ADAM18: variants seen among roughly 807,000 people sequenced by gnomAD.
ADAM18 encodes the protein ADAM metallopeptidase domain 18, also known as disintegrin and metalloproteinase domain-containing protein 18.
In ADAM18, 117 loss-of-function variants were observed where a neutral mutation model predicts 94.4. The ratio of observed to expected loss-of-function variants is 1.24; its 90% CI spans 1.07 to 1.45. The LOEUF is 1.45. Ranked by LOEUF, ADAM18 falls within the 40% of genes most tolerant of loss-of-function variation. The probability of loss-of-function intolerance (pLI) is 0.00; values close to 1 mark genes in which losing one functional copy is unlikely to be tolerated. For synonymous variants in ADAM18, 327 were observed against 291.6 expected, an observed-to-expected ratio of 1.12 and a Z score of -1.24; for missense variants, 936 against 880.0, an observed-to-expected ratio of 1.06 and a Z score of -0.81.
chr8:39,644,459 A>T (rs898152161), intron 10 of ADAM18, among the ~76,000 whole-genome samples: 2 of 151,036 alleles, frequency 1.3e-5, no homozygotes, highest in African/African-American at 4.9e-5. Context: ...GCTATTTTTA[A>T]TTTTTTTTTG....
At chr8:39,616,401 C>A (rs1317484840) in intron 6 of ADAM18, among the ~76,000 whole-genome samples, 18 of 152,178 alleles carry the variant, frequency 1.2e-4, no homozygotes, top group African/African-American at 4.3e-4. Flanking sequence ...CAGAACAAGA[C>A]TCCTTCTCAA....
intron 7 of ADAM18, among the ~76,000 whole-genome samples, chr8:39,632,369 T>C (rs971202450): frequency 1.3e-5 from 2 of 152,072 alleles, no homozygotes; most frequent in African/African-American, 4.8e-5. Context: ...GTGATCTTTA[T>C]AATATTGGGA....
chr8:39,624,456 G>A (rs1819707881), intron 6 of ADAM18, among the ~76,000 whole-genome samples: 1 of 152,136 alleles, frequency 6.6e-6, no homozygotes, highest in Non-Finnish European at 1.5e-5. Context: ...AGATCAGTTG[G>A]TGGTATTTGG....
At chr8:39,637,032 T>A in intron 7 of ADAM18, among the ~76,000 whole-genome samples, 1 of 89,688 alleles carries the variant, frequency 1.1e-5, no homozygotes, top group South Asian at 4.3e-4. Flanking sequence ...TATATATATA[T>A]ATATATATAT....
chr8:39,718,791 AT>A (rs1822657478), intron 18 of ADAM18, among the ~76,000 whole-genome samples: 1 of 88,882 alleles, frequency 1.1e-5, no homozygotes, highest in Non-Finnish European at 3.1e-5. Flanking sequence ...TAGCCAGAAA[AT>A]GTGAGATTGT....
At chr8:39,588,418 T>C (rs960482697) in intron 2 of ADAM18, among the ~76,000 whole-genome samples, 1 of 152,172 alleles carries the variant, frequency 6.6e-6, no homozygotes, top group African/African-American at 2.4e-5. Flanking sequence ...TCAGGTTATT[T>C]GTTTTGTTTT....
intron 19 of ADAM18, 33 bp downstream of exon 19, chr8:39,723,940 T>A: frequency 7.8e-7 from 1 of 1,279,972 alleles, no homozygotes; most frequent in Non-Finnish European, 1.0e-6. Context: ...GTATTAGGTT[T>A]AATTATCCTA....
intron 16 of ADAM18, among the ~76,000 whole-genome samples, chr8:39,684,684 G>A (rs1393773670): frequency 1.3e-5 from 2 of 152,006 alleles, no homozygotes; most frequent in Non-Finnish European, 2.9e-5. Context: ...AGCTCCACTG[G>A]GCATTGCCCT....
At chr8:39,711,476 C>T (rs1222913251) in intron 18 of ADAM18, among the ~76,000 whole-genome samples, 4 of 152,008 alleles carry the variant, frequency 2.6e-5, no homozygotes, top group Non-Finnish European at 5.9e-5. Flanking sequence ...TGTACTCAAA[C>T]ACCTAAAGGA....
chr8:39,723,820 T>C lies in ADAM18; in HGVS notation c.2090T>C (p.Leu697Pro), dbSNP rs1170706165. The change falls in exon 19 of 20, where the codon CTG becomes CCG. Residue 697 changes from leucine to proline, a missense_variant. By Grantham distance (98) the Leu-to-Pro change is moderately conservative. Transcript: ENST00000265707. ...NWFILSFCIF[L>P]PFFIVFTTVI... ...TTTATTCTGAGTTTCTGCATTTTTC[T>C]GCCGTTTTTCATAGTTTTCACCACT... 1.3e-6 allele frequency: 2 copies of C among 1,588,212 alleles called. No homozygotes were observed. The highest frequency in any genetic ancestry group is 1.8e-5 in the Admixed American group (1 of 56,602).
intron 12 of ADAM18, among the ~76,000 whole-genome samples, chr8:39,660,134 A>T (rs1000249773): frequency 1.3e-5 from 2 of 152,150 alleles, no homozygotes; most frequent in African/African-American, 4.8e-5. Context: ...AAAACTTAAC[A>T]CAAAAGAAAA....
At chr8:39,729,674 T>G (rs1823019193) in intron 19 of ADAM18, among the ~76,000 whole-genome samples, 3 of 152,050 alleles carry the variant, frequency 2.0e-5, no homozygotes, top group South Asian at 4.1e-4. Context: ...GTTGGACTCC[T>G]TATAATATAG....
intron 16 of ADAM18, among the ~76,000 whole-genome samples, chr8:39,684,312 T>C (rs1821550203): frequency 6.6e-6 from 1 of 152,104 alleles, no homozygotes; most frequent in Non-Finnish European, 1.5e-5. Flanking sequence ...TATTGTTACC[T>C]CTCTCATAGC....
chr8:39,709,267 C>A (rs1436694151), intron 18 of ADAM18, among the ~76,000 whole-genome samples: 7 of 152,164 alleles, frequency 4.6e-5, no homozygotes, highest in African/African-American at 1.7e-4. Context: ...CAGCCAGATT[C>A]TTCTCTGAAG....
intron 18 of ADAM18, among the ~76,000 whole-genome samples, chr8:39,715,879 C>G (rs779004737): frequency 2.0e-5 from 3 of 151,968 alleles, no homozygotes; most frequent in African/African-American, 7.2e-5. Context: ...TAAGAAATTA[C>G]GCTAATTCTC....
At chr8:39,706,988 G>T in intron 18 of ADAM18, 84 bp downstream of exon 18, 1 of 756,386 alleles carries the variant, frequency 1.3e-6, no homozygotes, top group Non-Finnish European at 2.2e-6. Context: ...ATCTTGAATG[G>T]TAGCTTCATC....
In ADAM18 at chr8:39,649,582, A is replaced by T. The variant is rs188082518; in HGVS notation, c.1230+1055A>T. Among the ~76,000 whole-genome samples, 685 of 152,298 alleles carry T rather than the reference A, an allele frequency of 4.5e-3. 2 individuals are homozygous for T. The highest frequency in any genetic ancestry group is 6.4e-3 in the Non-Finnish European group (434 of 68,006). ...AGGTTTTCACATTTTGGGTTTCTAC[A>T]ACTATAGAATGTAGGCAGATTGACA... is the stretch of plus-strand genomic sequence containing the variant. On this transcript the variant is annotated intron_variant, in intron 12 of 19. Transcript: ENST00000265707.
intron 18 of ADAM18, 79 bp downstream of exon 18, chr8:39,706,983 G>C (rs1822260078): frequency 8.9e-6 from 7 of 784,586 alleles, no homozygotes; most frequent in Middle Eastern, 3.9e-4. Flanking sequence ...AAGTCATCTT[G>C]AATGGTAGCT....
intron 6 of ADAM18, 56 bp from the exon 7 acceptor site, chr8:39,629,318 C>A: frequency 7.5e-7 from 1 of 1,339,392 alleles, no homozygotes; most frequent in Non-Finnish European, 1.0e-6. Context: ...TCATCTTTTT[C>A]TCTTAAATTC....
Sources: allele counts gnomAD v4.1 joint callset (sites outside exome capture counted in the v4.1 genomes callset), GRCh38; gene constraint gnomAD v4.1.1; transcripts MANE v1.5; gene names NCBI Gene and HGNC (gene_info 2026-07-23, HGNC 2026-07-21).